The following EYA1 variants were observed in gnomAD, a reference collection of about 807,000 sequenced individuals.
EYA1 encodes EYA transcriptional coactivator and phosphatase 1.
Under a neutral mutation model 82.0 loss-of-function variants are expected in EYA1, and 16 were observed. The observed-to-expected ratio is 0.20, with a 90% CI of 0.13 to 0.30. EYA1 has a LOEUF of 0.30. Ranked by LOEUF, EYA1 falls within the 10% of genes least tolerant of loss-of-function variation. The pLI, the probability that EYA1 is intolerant of heterozygous loss-of-function variation, is 1.00. For missense variants in EYA1, 633 were observed against 730.7 expected (o/e 0.87, Z 1.54); for synonymous variants, 261 against 264.4 (o/e 0.99, Z 0.12).
At chr8:71,298,960 AC>A in intron 9 of EYA1, 86 bp downstream of exon 9, 1 of 1,349,296 alleles carries the variant, frequency 7.4e-7, no homozygotes, top group South Asian at 1.2e-5. Flanking sequence ...AAATTGTGCA[AC>A]CACTGCATGA....
intron 7 of EYA1, among the ~76,000 whole-genome samples, chr8:71,314,046 TC>T: frequency 6.6e-6 from 1 of 152,078 alleles, no homozygotes; most frequent in East Asian, 1.9e-4. Flanking sequence ...GGCAAAAATA[TC>T]CCCCATATTG....
rs543640392 is a variant in EYA1 at position 71,274,812 on chromosome 8, G to C, written c.827-2915C>G. On this transcript the variant is annotated intron_variant, in intron 9 of 17. Coordinates refer to ENST00000340726, the MANE Select transcript of EYA1 (RefSeq NM_000503.6). ...CAGAGGACAAATGCACCAGTGAAGA[G>C]GGAATATGACTGTGTTCCAGACAGG... is the stretch of plus-strand genomic sequence containing the variant. 3.3e-5 allele frequency among the ~76,000 whole-genome samples: 5 copies of C among 152,074 alleles called. No homozygotes were observed. In the East Asian group the frequency reaches 9.7e-4, roughly 29 times the overall value.
intron 11 of EYA1, among the ~76,000 whole-genome samples, chr8:71,262,723 G>A (rs927772336): frequency 6.6e-6 from 1 of 152,170 alleles, no homozygotes; most frequent in African/African-American, 2.4e-5. Context: ...TATACTACTG[G>A]TAGTGAGGCA....
chr8:71,523,257 C>A (rs1446438455), intron 2 of EYA1, among the ~76,000 whole-genome samples: 39 of 145,152 alleles, frequency 2.7e-4, no homozygotes. Flanking sequence ...CGGCTCACTG[C>A]AAGCTCCGCC....
At chr8:71,243,508 A>C (rs1812731033) in intron 12 of EYA1, among the ~76,000 whole-genome samples, 1 of 152,214 alleles carries the variant, frequency 6.6e-6, no homozygotes, top group African/African-American at 2.4e-5. Context: ...GTGTAAAATA[A>C]ATTTTTCACT....
At chr8:71,245,349 C>G (rs938292240) in intron 11 of EYA1, among the ~76,000 whole-genome samples, 2 of 152,038 alleles carry the variant, frequency 1.3e-5, no homozygotes, top group Non-Finnish European at 2.9e-5. Context: ...GCCTCAGCCT[C>G]CCGAGTAGCT....
intron 9 of EYA1, among the ~76,000 whole-genome samples, chr8:71,282,006 G>C (rs975666320): frequency 6.6e-6 from 1 of 152,166 alleles, no homozygotes; most frequent in Non-Finnish European, 1.5e-5. Flanking sequence ...GCAATACCAA[G>C]GGACAGCTTT....
chr8:71,478,428 A>G (rs1212791548), intron 2 of EYA1, among the ~76,000 whole-genome samples: 1 of 152,196 alleles, frequency 6.6e-6, no homozygotes, highest in Non-Finnish European at 1.5e-5. Context: ...CAGAGAGGTA[A>G]AAAACAGAAA....
At chr8:71,444,803 G>A (rs1287666977) in intron 2 of EYA1, among the ~76,000 whole-genome samples, 1 of 152,182 alleles carries the variant, frequency 6.6e-6, no homozygotes, top group Non-Finnish European at 1.5e-5. Context: ...CTACACCATC[G>A]ACCAGATTTC....
Position 71,463,632 on chromosome 8 carries a change from TCC to T in EYA1, c.33+72110_33+72111del, listed in dbSNP as rs1563640263. 2.4e-3 allele frequency among the ~76,000 whole-genome samples: 77 copies of T among 32,472 alleles called. 4 individuals carry two copies. The highest frequency in any genetic ancestry group is 0.014 in the East Asian group (9 of 648). 21.3% of individuals were successfully genotyped at this position (32,472 alleles called of 152,430 possible). On this transcript the variant is annotated intron_variant, in intron 2 of 18. Transcript: ENST00000643681. ...CTCTCTCTCTCTCTCTCTCTCTCTCTCCCTCCCTCCCCCCTCCCACACACACA... is the reference window on the plus strand; with the variant it reads ...CTCTCTCTCTCTCTCTCTCTCTCTCTCTCCCTCCCCCCTCCCACACACACA...
intron 7 of EYA1, among the ~76,000 whole-genome samples, chr8:71,315,046 G>A (rs1821758344): frequency 6.6e-6 from 1 of 151,896 alleles, no homozygotes. Context: ...TGTTCCTGCT[G>A]CATAAGTTTT....
chr8:71,458,297 CTAAGAATACCAGGTGT>C (rs1808108196), intron 2 of EYA1, among the ~76,000 whole-genome samples: 1 of 152,002 alleles, frequency 6.6e-6, no homozygotes, highest in African/African-American at 2.4e-5. Context: ...TTTAAAGTTT[CTAAGAATACCAGGTGT>C]TAAGAATTAC....
intron 3 of EYA1, among the ~76,000 whole-genome samples, chr8:71,349,376 A>G (rs1466408921): frequency 6.6e-6 from 1 of 152,210 alleles, no homozygotes; most frequent in African/African-American, 2.4e-5. Flanking sequence ...AGTAAAAGGT[A>G]TTAGAAAAGC....
chr8:71,480,931 T>C (rs1162613443), intron 2 of EYA1, among the ~76,000 whole-genome samples: 1 of 152,138 alleles, frequency 6.6e-6, no homozygotes, highest in Non-Finnish European at 1.5e-5. Context: ...GTCAATAAAA[T>C]TAGAATTTTT....
At chr8:71,222,296 T>G (rs905566548) in intron 12 of EYA1, among the ~76,000 whole-genome samples, 1 of 151,580 alleles carries the variant, frequency 6.6e-6, no homozygotes, top group Non-Finnish European at 1.5e-5. Flanking sequence ...AACAGTCACA[T>G]AGTACAGATA....
At position 71,469,470 on chromosome 8, in the gene EYA1, T is replaced by C. The variant is rs1809024855; in HGVS notation, c.33+66274A>G. Among the ~76,000 whole-genome samples, 2 of 152,120 alleles carry C rather than the reference T, an allele frequency of 1.3e-5. 1 individual carries two copies. Among genetic ancestry groups the C allele is most frequent in the South Asian group, 4.1e-4 (2 of 4,836 alleles). ...TGAGGATCAAATGAAATAATGCATG[T>C]GTCCTGCTTACCACCACTTAGCACA... On this transcript the variant is annotated intron_variant, in intron 2 of 18. Transcript: ENST00000643681.
chr8:71,333,660 A>T (rs1394341754), intron 4 of EYA1, among the ~76,000 whole-genome samples: 1 of 152,190 alleles, frequency 6.6e-6, no homozygotes, highest in African/African-American at 2.4e-5. Context: ...TACAGAGTCT[A>T]TTTAATTTAG....
At chr8:71,437,394 T>A (rs185380460) in intron 2 of EYA1, among the ~76,000 whole-genome samples, 1 of 152,076 alleles carries the variant, frequency 6.6e-6, no homozygotes, top group African/African-American at 2.4e-5. Context: ...GATGCCCTCT[T>A]TATAACCAGG....
chr8:71,353,824 T>A (rs1826561536), intron 3 of EYA1, among the ~76,000 whole-genome samples: 1 of 152,176 alleles, frequency 6.6e-6, no homozygotes, highest in African/African-American at 2.4e-5. Flanking sequence ...GTTTTGTATA[T>A]GGATGGAATT....
Sources: allele counts gnomAD v4.1 joint callset (sites outside exome capture counted in the v4.1 genomes callset), GRCh38; gene constraint gnomAD v4.1.1; transcripts MANE v1.5; gene names NCBI Gene and HGNC (gene_info 2026-07-23, HGNC 2026-07-21).